ROCK2: variants seen among roughly 807,000 people sequenced by gnomAD.
ROCK2 encodes Rho associated coiled-coil containing protein kinase 2.
In ROCK2, 61 loss-of-function variants were observed where a neutral mutation model predicts 195.1. The observed-to-expected ratio is 0.31, with a 90% CI of 0.25 to 0.39. ROCK2 has a LOEUF of 0.39. Among genes scored for constraint, ROCK2 ranks in the 10% least tolerant of loss-of-function variants. The pLI is 1.00. For synonymous variants in ROCK2, 504 were observed against 545.5 expected, an observed-to-expected ratio of 0.92 and a Z score of 1.06; for missense variants, 1,109 against 1,637.4, an observed-to-expected ratio of 0.68 and a Z score of 5.57.
At position 11,214,478 on chromosome 2, in the gene ROCK2, G is replaced by C; in HGVS notation, c.1937-15C>G. Reference sequence around the variant, plus strand: ...ACATATTCTACCTAAAAATTGCAACGTTTTTTTAAAACATTAAACCCACAA... The same window carrying C: ...ACATATTCTACCTAAAAATTGCAACCTTTTTTTAAAACATTAAACCCACAA... On this transcript the variant is annotated splice_polypyrimidine_tract_variant and intron_variant, in intron 16 of 32. Coordinates refer to ENST00000315872, the MANE Select transcript of ROCK2 (RefSeq NM_004850.5). The C allele has an allele frequency of 6.9e-7, 1 of 1,446,956 alleles. No individual in the cohort carries two copies. The highest frequency in any genetic ancestry group is 9.6e-7 in the Non-Finnish European group (1 of 1,039,264). 89.6% of individuals were successfully genotyped at this position (1,446,956 alleles called of 1,614,324 possible).
intron 1 of ROCK2, among the ~76,000 whole-genome samples, chr2:11,292,175 C>T (rs7594466): frequency 0.024 from 3,682 of 152,194 alleles, 173 homozygotes; most frequent in African/African-American, 0.084. Flanking sequence ...AGTCCATATT[C>T]ATAGACTGTA....
intron 3 of ROCK2, among the ~76,000 whole-genome samples, chr2:11,267,794 C>A (rs190308604): frequency 6.6e-6 from 1 of 150,708 alleles, no homozygotes; most frequent in South Asian, 2.1e-4. Context: ...TACAGGTGCA[C>A]GCCACCAAGC....
intron 9 of ROCK2, among the ~76,000 whole-genome samples, 164 bp downstream of exon 9, chr2:11,221,034 A>G (rs1184092248): frequency 6.6e-6 from 1 of 152,246 alleles, no homozygotes; most frequent in Admixed American, 6.5e-5. Flanking sequence ...AATAACATAT[A>G]ACATTCAGAA....
intron 1 of ROCK2, chr2:11,308,272 A>G: frequency 8.5e-7 from 1 of 1,171,298 alleles, no homozygotes; most frequent in Non-Finnish European, 1.3e-6. Flanking sequence ...AGTCTCAAGA[A>G]GAATTTAAAT....
At chr2:11,283,981 A>G (rs1667104676) in intron 3 of ROCK2, among the ~76,000 whole-genome samples, 1 of 152,266 alleles carries the variant, frequency 6.6e-6, no homozygotes, top group Admixed American at 6.5e-5. Flanking sequence ...TGCTTTACTC[A>G]TAATTGTCAA....
At chr2:11,306,361 A>G (rs1313257326) in intron 1 of ROCK2, among the ~76,000 whole-genome samples, 1 of 152,212 alleles carries the variant, frequency 6.6e-6, no homozygotes, top group African/African-American at 2.4e-5. Flanking sequence ...AGAACTTATT[A>G]TAATATGTAA....
At chr2:11,308,568 A>G in intron 1 of ROCK2, 1 of 1,510,802 alleles carries the variant, frequency 6.6e-7, no homozygotes, top group South Asian at 1.1e-5. Context: ...GATGCTGGGC[A>G]GTGCATCAAT....
intron 1 of ROCK2, among the ~76,000 whole-genome samples, chr2:11,299,783 T>C (rs1281929669): frequency 1.3e-5 from 2 of 152,212 alleles, no homozygotes; most frequent in Non-Finnish European, 2.9e-5. Flanking sequence ...CTAATTTTCA[T>C]GGAAAAGTAA....
chr2:11,334,492 CAG>C (rs1232517604), intron 1 of ROCK2, among the ~76,000 whole-genome samples: 1 of 108,194 alleles, frequency 9.2e-6, no homozygotes, highest in East Asian at 3.0e-4. Flanking sequence ...GGCTGGGCGA[CAG>C]AGAGAGACTC....
Position 11,343,981 on chromosome 2 carries a change from G to A in ROCK2, c.141+15C>T, listed in dbSNP as rs1212317641. 2.5e-6 allele frequency: 4 copies of A among 1,585,464 alleles called. No individual in the cohort carries two copies. Among genetic ancestry groups the A allele is most frequent in the African/African-American group, 2.8e-5 (2 of 71,372 alleles). ...TGAGCTGCAACGAGCAAGCTCCCAG[G>A]CCCCGGCCACCTACCAGCAAGCTCT... On this transcript the variant is annotated intron_variant, in intron 1 of 32. Transcript: ENST00000315872.
intron 27 of ROCK2, chr2:11,195,228 C>A: frequency 9.6e-6 from 3 of 313,152 alleles, no homozygotes; most frequent in East Asian, 5.0e-5. Flanking sequence ...CAGGTTATAT[C>A]ATATTGGAAA....
rs1663840186 is a variant in ROCK2, at chr2:11,201,251, T to C, written c.2723+59A>G. ...TTTTTTATTTGGTGATTACCAGGCA[T>C]TGTTCTAGGAGCAAAGTATACAGCT... On this transcript the variant is annotated intron_variant, in intron 22 of 32. Coordinates refer to ENST00000315872, the MANE Select transcript of ROCK2 (RefSeq NM_004850.5). This position sits in a 1 kb window ranked among gnomAD's most constrained non-coding sequence, Gnocchi z 4.6. 1.3e-6 allele frequency: 2 copies of C among 1,515,246 alleles called. No homozygotes were observed. The highest frequency in any genetic ancestry group is 1.8e-6 in the Non-Finnish European group (2 of 1,101,956). 93.9% of individuals were successfully genotyped at this position (1,515,246 alleles called of 1,614,324 possible).
chr2:11,283,582 A>G (rs79959004), intron 3 of ROCK2, among the ~76,000 whole-genome samples: 1 of 15,190 alleles, frequency 6.6e-5, no homozygotes, highest in Admixed American at 1.2e-3. Flanking sequence ...AAAAAAAAAA[A>G]AAAGCAAGAA....
intron 20 of ROCK2, among the ~76,000 whole-genome samples, chr2:11,203,505 A>G (rs1663939677): frequency 1.3e-5 from 2 of 152,150 alleles, no homozygotes; most frequent in African/African-American, 4.8e-5. Context: ...GTATTTTACA[A>G]TGGGAAGCTA....
At chr2:11,307,120 T>TA (rs575934965) in intron 1 of ROCK2, among the ~76,000 whole-genome samples, 218 of 152,332 alleles carry the variant, frequency 1.4e-3, no homozygotes, top group African/African-American at 5.0e-3. Flanking sequence ...TACAGTATTA[T>TA]AAAACGTACT....
chr2:11,276,377 A>G (rs541411388), intron 3 of ROCK2, among the ~76,000 whole-genome samples: 40 of 152,366 alleles, frequency 2.6e-4, no homozygotes, highest in Middle Eastern at 6.8e-3. Context: ...ATTTCTATAC[A>G]CTAAAAATAA....
chr2:11,230,392 A>C (rs1470750770), intron 5 of ROCK2, among the ~76,000 whole-genome samples: 1 of 152,216 alleles, frequency 6.6e-6, no homozygotes, highest in Non-Finnish European at 1.5e-5. Context: ...GAGTTTCAAA[A>C]TATGAATAAG....
At chr2:11,308,501 C>T in intron 1 of ROCK2, 1 of 1,582,620 alleles carries the variant, frequency 6.3e-7, no homozygotes, top group Non-Finnish European at 8.7e-7. Flanking sequence ...ACCAAGGTTG[C>T]CACTGGAACC....
At chr2:11,189,058 G>A (rs940754934) in intron 32 of ROCK2, among the ~76,000 whole-genome samples, 14 of 151,738 alleles carry the variant, frequency 9.2e-5, no homozygotes, top group Non-Finnish European at 2.9e-5. Context: ...GAAAAAAGAA[G>A]AGAAAAAGAT....
Sources: allele counts gnomAD v4.1 joint callset (sites outside exome capture counted in the v4.1 genomes callset), GRCh38; gene constraint gnomAD v4.1.1; non-coding constraint Gnocchi (gnomAD v3.1); transcripts MANE v1.5; gene names NCBI Gene and HGNC (gene_info 2026-07-23, HGNC 2026-07-21).